The following KIF15 variants were observed in gnomAD, a reference collection of about 807,000 sequenced individuals.
KIF15 encodes the protein kinesin-like protein KIF15.
KIF15 carries 140 observed loss-of-function variants against 190.6 expected under a neutral mutation model. The observed-to-expected ratio is 0.73, with a 90% CI of 0.64 to 0.84. KIF15 has a LOEUF of 0.84. KIF15 is among the 40% of genes least tolerant of loss of function. The pLI, the probability that KIF15 is intolerant of heterozygous loss-of-function variation, is 0.00. For missense variants in KIF15, 1,372 were observed against 1,584.4 expected, an observed-to-expected ratio of 0.87 and a Z score of 2.28; for synonymous variants, 528 against 551.3, an observed-to-expected ratio of 0.96 and a Z score of 0.59.
chr3:44,808,348 TTTG>T (rs933437653), intron 16 of KIF15, among the ~76,000 whole-genome samples: 10 of 152,218 alleles, frequency 6.6e-5, no homozygotes, highest in Non-Finnish European at 1.2e-4. Context: ...ATTCAGAGTC[TTTG>T]TTGTTGTTTT....
chr3:44,802,209 C>T (rs1351191079), intron 13 of KIF15, among the ~76,000 whole-genome samples: 1 of 152,156 alleles, frequency 6.6e-6, no homozygotes, highest in Non-Finnish European at 1.5e-5. Flanking sequence ...TAGCAGGCCA[C>T]GCAGAATTTC....
At chr3:44,867,632 A>G (rs1559604045) in intron 6 of KIF15, among the ~76,000 whole-genome samples, 1 of 152,238 alleles carries the variant, frequency 6.6e-6, no homozygotes, top group Non-Finnish European at 1.5e-5. Flanking sequence ...ACTCAATTCA[A>G]CAAATATGCC....
chr3:44,784,291 C>T (rs568589889), intron 5 of KIF15, among the ~76,000 whole-genome samples: 1 of 152,252 alleles, frequency 6.6e-6, no homozygotes, highest in African/African-American at 2.4e-5. Flanking sequence ...CCTGCCTCAG[C>T]CTCTCCGAGT....
intron 7 of KIF15, among the ~76,000 whole-genome samples, chr3:44,790,695 C>CTT (rs56414094): frequency 3.4e-3 from 336 of 97,910 alleles, no homozygotes; most frequent in Non-Finnish European, 4.5e-3. Flanking sequence ...TTTTCTGTTT[C>CTT]TTTTTTTTTT....
chr3:44,841,241 A>ACGCCTGGAAAGTC lies in KIF15; in HGVS notation c.3585+3_3585+4insCGCCTGGAAAGTC. Reference sequence around the variant, plus strand: ...ATGCTGAAATCCTCAGAATGAAGGTAATTGGATTTTTTTTCCAGTAAATTT... The same window carrying ACGCCTGGAAAGTC: ...ATGCTGAAATCCTCAGAATGAAGGTACGCCTGGAAAGTCATTGGATTTTTTTTCCAGTAAATTT... On this transcript the variant is annotated splice_donor_region_variant and intron_variant, in intron 29 of 34. Transcript: ENST00000326047. The ACGCCTGGAAAGTC allele has an allele frequency of 6.3e-7, 1 of 1,589,838 alleles. No homozygotes were observed. The highest frequency in any genetic ancestry group is 8.5e-7 in the Non-Finnish European group (1 of 1,172,370).
At chr3:44,868,444 A>T (rs1411565226) in intron 6 of KIF15, among the ~76,000 whole-genome samples, 1 of 152,098 alleles carries the variant, frequency 6.6e-6, no homozygotes, top group Non-Finnish European at 1.5e-5. Flanking sequence ...AATTGTGTAC[A>T]CGTTTTTGTG....
chr3:44,866,048 TTTTTTTG>T (rs1449966519), intron 6 of KIF15, among the ~76,000 whole-genome samples: 2 of 150,756 alleles, frequency 1.3e-5, no homozygotes, highest in African/African-American at 2.4e-5. Flanking sequence ...CCCTTTGGTT[TTTTTTTG>T]TTTTTTGTTT....
In KIF15 at chr3:44,784,937, G is replaced by A; in HGVS notation, c.454G>A (p.Glu152Lys). 2 of 1,516,924 alleles carry A rather than the reference G, an allele frequency of 1.3e-6. No homozygotes were observed. Among genetic ancestry groups the A allele is most frequent in the Non-Finnish European group, 1.8e-6 (2 of 1,103,646 alleles). The allele number at this position is 1,516,924 out of a possible 1,614,324, so 94.0% of individuals were successfully genotyped here. ...GTTTTCCTTAATTGATCGTGAAAAA[G>A]AAAAGGTAAAACAATGTAAAAATAA... ...YLFSLIDREK[E>K]KAGAGKSFLC... The change falls in exon 6 of 35, where the codon GAA becomes AAA. Residue 152 changes from glutamate to lysine, a missense_variant. Coordinates refer to ENST00000326047, the MANE Select transcript of KIF15 (RefSeq NM_020242.3).
chr3:44,812,267 A>T lies in KIF15; in HGVS notation c.2255A>T (p.His752Leu), dbSNP rs1432568377. ...KLQQHVDKLEHHSTQMQELFS... is the reference protein window; with the variant it reads ...KLQQHVDKLELHSTQMQELFS... The stretch of plus-strand genomic sequence containing the variant: ...CAGCAGCATGTTGACAAACTGGAAC[A>T]TCATTCTACCCAAATGCAGGAGGTG... Residue 752 changes from histidine (H) to leucine (L), a missense_variant, in exon 18 of 35, where the codon CAT becomes CTT. His to Leu is a moderately conservative substitution (Grantham distance 99). Coordinates refer to ENST00000326047, the MANE Select transcript of KIF15 (RefSeq NM_020242.3). The T allele has an allele frequency of 6.2e-7, 1 of 1,613,988 alleles. No individual in the cohort carries two copies. The highest frequency in any genetic ancestry group is 1.7e-5 in the Admixed American group (1 of 60,022).
chr3:44,832,226 A>G (rs1187051004), intron 26 of KIF15, among the ~76,000 whole-genome samples: 3 of 152,202 alleles, frequency 2.0e-5, no homozygotes, highest in Non-Finnish European at 4.4e-5. Context: ...CAAGCACAGC[A>G]GGCAGTCAGG....
chr3:44,811,113 T>TGACTGACA, intron 17 of KIF15, 70 bp downstream of exon 17: 1 of 1,215,516 alleles, frequency 8.2e-7, no homozygotes, highest in East Asian at 2.3e-5. Context: ...GTTATTTTAA[T>TGACTGACA]TCCCTATAAG....
In KIF15 at chr3:44,805,940, G is replaced by T. The variant is rs572406117; in HGVS notation, c.1925G>T (p.Arg642Leu). The T allele has an allele frequency of 1.2e-5, 20 of 1,614,106 alleles. 1 individual carries two copies. In the Middle Eastern group the frequency reaches 3.0e-3, roughly 240 times the overall value. ...NLLEATKACK[R>L]QEVSQLNKIH... ...TTGGAAGCAACAAAAGCCTGCAAGCGGCAAGAAGTTTCTCAGCTGAATAAA... is the reference window on the plus strand; with the variant it reads ...TTGGAAGCAACAAAAGCCTGCAAGCTGCAAGAAGTTTCTCAGCTGAATAAA... The change falls in exon 16 of 35, where the codon CGG (arginine) becomes CTG (leucine). Residue 642 changes from arginine to leucine, a missense_variant. Arg to Leu is a moderately radical substitution (Grantham distance 102). Transcript: ENST00000326047.
chr3:44,838,770 G>A (rs1045703270), intron 27 of KIF15, among the ~76,000 whole-genome samples: 5 of 151,278 alleles, frequency 3.3e-5, no homozygotes, highest in African/African-American at 1.2e-4. Context: ...AAAAAAAATG[G>A]GGGACAGGAG....
At chr3:44,809,240 A>G (rs1193334926) in intron 16 of KIF15, among the ~76,000 whole-genome samples, 5 of 152,136 alleles carry the variant, frequency 3.3e-5, no homozygotes, top group African/African-American at 4.8e-5. Flanking sequence ...TCATATGTTC[A>G]TGTCCATTTG....
At chr3:44,791,685 C>A (rs2125924103) in intron 7 of KIF15, among the ~76,000 whole-genome samples, 1 of 152,254 alleles carries the variant, frequency 6.6e-6, no homozygotes, top group East Asian at 1.9e-4. Context: ...CCTTATGTTA[C>A]ACAAGTGACA....
At chr3:44,864,956 C>T in intron 6 of KIF15, 1 of 1,566,656 alleles carries the variant, frequency 6.4e-7, no homozygotes, top group South Asian at 1.1e-5. Flanking sequence ...CTCCTGGCAC[C>T]CTTAGAAGGA....
chr3:44,792,469 G>A (rs1706753633), intron 7 of KIF15, among the ~76,000 whole-genome samples: 1 of 151,292 alleles, frequency 6.6e-6, no homozygotes. Flanking sequence ...GTGAGACTCT[G>A]TCTTAAAAAA....
chr3:44,793,665 A>T (rs527539475), intron 7 of KIF15, among the ~76,000 whole-genome samples: 15 of 152,300 alleles, frequency 9.8e-5, no homozygotes, highest in African/African-American at 3.4e-4. Context: ...GGATAATATA[A>T]TTTATCTTAT....
At chr3:44,859,165 C>T (rs1341294478) in intron 6 of KIF15, among the ~76,000 whole-genome samples, 1 of 152,182 alleles carries the variant, frequency 6.6e-6, no homozygotes, top group Non-Finnish European at 1.5e-5. Context: ...GGGAGGCGGT[C>T]CTGGAGGAAA....
Sources: allele counts gnomAD v4.1 joint callset (sites outside exome capture counted in the v4.1 genomes callset), GRCh38; gene constraint gnomAD v4.1.1; transcripts MANE v1.5; gene names NCBI Gene and HGNC (gene_info 2026-07-23, HGNC 2026-07-21).